Variants in LRP1B observed in about 807,000 individuals in gnomAD.
The protein encoded by LRP1B is low-density lipoprotein receptor-related protein 1B.
A neutral mutation model predicts 556.6 loss-of-function variants in LRP1B; 217 were observed. The ratio of observed to expected loss-of-function variants is 0.39; its 90% confidence interval spans 0.35 to 0.44. The LOEUF (loss-of-function observed/expected upper bound fraction) is 0.44, where lower values mean the gene tolerates loss of function less well. Ranked by LOEUF, LRP1B falls within the 20% of genes least tolerant of loss-of-function variation. The pLI is 1.00. For synonymous variants in LRP1B, 2,047 were observed against 1,865.8 expected (o/e 1.10, Z -2.50); for missense variants, 5,053 against 5,620.8 (o/e 0.90, Z 3.23).
At chr2:141,386,278 G>A (rs546092316) in intron 3 of LRP1B, among the ~76,000 whole-genome samples, 4 of 152,082 alleles carry the variant, frequency 2.6e-5, no homozygotes, top group Non-Finnish European at 5.9e-5. Context: ...AAACACTTAT[G>A]GTTTCAAACA....
At chr2:140,398,978 A>T (rs1684375005) in intron 66 of LRP1B, among the ~76,000 whole-genome samples, 1 of 152,142 alleles carries the variant, frequency 6.6e-6, no homozygotes, top group African/African-American at 2.4e-5. Flanking sequence ...TCATTTTTCC[A>T]TCCAACATTC....
intron 2 of LRP1B, among the ~76,000 whole-genome samples, chr2:141,603,838 T>C (rs16846569): frequency 0.012 from 1,787 of 152,258 alleles, 38 homozygotes; most frequent in African/African-American, 0.041. Context: ...TGAAGAAAAC[T>C]TCTTGAGGAT....
At chr2:140,903,978 T>C (rs1202392812) in intron 22 of LRP1B, among the ~76,000 whole-genome samples, 2 of 152,088 alleles carry the variant, frequency 1.3e-5, no homozygotes, top group Non-Finnish European at 2.9e-5. Flanking sequence ...GTAAAAAAGA[T>C]TAGCTTTTTA....
chr2:141,236,154 T>C (rs1683640559), intron 5 of LRP1B, among the ~76,000 whole-genome samples: 1 of 152,136 alleles, frequency 6.6e-6, no homozygotes, highest in Non-Finnish European at 1.5e-5. Context: ...TTTGCTTTTA[T>C]TTGGGGGGAT....
At chr2:141,890,757 A>G (rs938158760) in intron 1 of LRP1B, among the ~76,000 whole-genome samples, 4 of 152,134 alleles carry the variant, frequency 2.6e-5, no homozygotes, top group African/African-American at 9.7e-5. Flanking sequence ...TGATTCTATC[A>G]TATCCTTACC....
chr2:140,851,628 C>A (rs1052454609), intron 28 of LRP1B, 24 bp downstream of exon 28: 11 of 1,594,140 alleles, frequency 6.9e-6, no homozygotes, highest in Non-Finnish European at 9.4e-6. Context: ...TTTTTATTTT[C>A]GATTAGAACT....
At chr2:141,825,653 G>A (rs13415080) in intron 1 of LRP1B, among the ~76,000 whole-genome samples, 1 of 152,082 alleles carries the variant, frequency 6.6e-6, no homozygotes, top group Non-Finnish European at 1.5e-5. Context: ...GAAATATGAC[G>A]AAAAGTTCAA....
At chr2:141,442,752 C>T (rs1681030461) in intron 3 of LRP1B, among the ~76,000 whole-genome samples, 2 of 152,164 alleles carry the variant, frequency 1.3e-5, no homozygotes, top group Admixed American at 1.3e-4. Context: ...CTGCAAAGTA[C>T]ATGAACACAT....
intron 25 of LRP1B, among the ~76,000 whole-genome samples, chr2:140,876,826 T>C (rs1324803788): frequency 6.6e-6 from 1 of 152,154 alleles, no homozygotes; most frequent in Non-Finnish European, 1.5e-5. Context: ...CTTGCTGCAC[T>C]GTATACAAAT....
chr2:141,742,996 T>A (rs1445872943), intron 2 of LRP1B, among the ~76,000 whole-genome samples: 1 of 152,154 alleles, frequency 6.6e-6, no homozygotes, highest in East Asian at 1.9e-4. Flanking sequence ...TTCTAACAGT[T>A]TTTCGGTGGT....
At chr2:141,101,521 C>T (rs1700460837) in intron 7 of LRP1B, among the ~76,000 whole-genome samples, 1 of 152,044 alleles carries the variant, frequency 6.6e-6, no homozygotes, top group South Asian at 2.1e-4. Flanking sequence ...GCATATTTGA[C>T]ATCACATGGT....
chr2:141,524,117 A>C (rs1684614552), intron 2 of LRP1B, among the ~76,000 whole-genome samples: 1 of 152,128 alleles, frequency 6.6e-6, no homozygotes, highest in Non-Finnish European at 1.5e-5. Flanking sequence ...TAGTGAACTT[A>C]ACTTTCCTCC....
chr2:141,465,985 T>G (rs985619076), intron 3 of LRP1B, among the ~76,000 whole-genome samples: 2 of 152,014 alleles, frequency 1.3e-5, no homozygotes, highest in African/African-American at 4.8e-5. Flanking sequence ...GTCCCCCAGG[T>G]TCAAGAGATT....
At chr2:141,699,074 A>G (rs190966860) in intron 2 of LRP1B, among the ~76,000 whole-genome samples, 1 of 151,866 alleles carries the variant, frequency 6.6e-6, no homozygotes, top group African/African-American at 2.4e-5. Flanking sequence ...TATTTAACCC[A>G]CAGGAATTGG....
chr2:140,797,610 A>C (rs2105000697), intron 32 of LRP1B, among the ~76,000 whole-genome samples: 1 of 152,260 alleles, frequency 6.6e-6, no homozygotes, highest in East Asian at 1.9e-4. Flanking sequence ...GAAAGATACA[A>C]GCTTTCAATA....
At chr2:141,792,879 T>C (rs530458542) in intron 2 of LRP1B, among the ~76,000 whole-genome samples, 71 of 152,080 alleles carry the variant, frequency 4.7e-4, no homozygotes, top group African/African-American at 1.7e-3. Flanking sequence ...ATTCCAAAGA[T>C]TAAGAAAAAT....
At chr2:141,051,116 G>A (rs777514452) in intron 10 of LRP1B, among the ~76,000 whole-genome samples, 1 of 152,076 alleles carries the variant, frequency 6.6e-6, no homozygotes, top group Non-Finnish European at 1.5e-5. Context: ...TTATTAAAAA[G>A]TCAGGAAACA....
At chr2:141,837,740 G>A (rs944733856) in intron 1 of LRP1B, among the ~76,000 whole-genome samples, 1 of 151,962 alleles carries the variant, frequency 6.6e-6, no homozygotes, top group Non-Finnish European at 1.5e-5. Flanking sequence ...ATCAATCAAT[G>A]AATAAATAAA....
chr2:142,084,220 G>T (rs1232059779), intron 1 of LRP1B, among the ~76,000 whole-genome samples: 1 of 152,130 alleles, frequency 6.6e-6, no homozygotes, highest in East Asian at 1.9e-4. Flanking sequence ...GACCTCAGGT[G>T]ATCCGCCCAC....
Sources: allele counts gnomAD v4.1 joint callset (sites outside exome capture counted in the v4.1 genomes callset), GRCh38; gene constraint gnomAD v4.1.1; transcripts MANE v1.5; gene names NCBI Gene and HGNC (gene_info 2026-07-23, HGNC 2026-07-21).